Variants in NLRP14 observed in about 807,000 individuals in gnomAD.
NLRP14 encodes the protein NACHT, LRR and PYD domains-containing protein 14.
NLRP14 carries 105 observed loss-of-function variants against 94.7 expected under a neutral mutation model. The observed-to-expected ratio is 1.11, with a 90% CI of 0.95 to 1.30. The LOEUF is 1.30. Among genes scored for constraint, NLRP14 ranks in the 50% most tolerant of loss-of-function variants. NLRP14 has a pLI of 0.00. For synonymous variants in NLRP14, 508 were observed against 459.9 expected (o/e 1.10, Z -1.34); for missense variants, 1,362 against 1,254.1 (o/e 1.09, Z -1.30).
intron 3 of NLRP14, among the ~76,000 whole-genome samples, 181 bp downstream of exon 3, chr11:7,039,966 G>A (rs1364578903): frequency 1.3e-5 from 2 of 152,156 alleles, no homozygotes; most frequent in Non-Finnish European, 2.9e-5. Context: ...CAGAATCAGG[G>A]CCTTGTTAAT....
chr11:7,042,353 G>T, intron 3 of NLRP14, 35 bp from the exon 4 acceptor site: 2 of 1,584,158 alleles, frequency 1.3e-6, no homozygotes, highest in Non-Finnish European at 1.7e-6. Flanking sequence ...ATGTGTCTTT[G>T]TTTTTGTTTT....
intron 1 of NLRP14, among the ~76,000 whole-genome samples, chr11:7,024,837 G>T (rs1851992981): frequency 6.6e-6 from 1 of 151,992 alleles, no homozygotes; most frequent in Admixed American, 6.6e-5. Context: ...GTCACTTTTT[G>T]TATCAAAAGG....
At chr11:7,050,528 A>G (rs574715275) in intron 6 of NLRP14, among the ~76,000 whole-genome samples, 1 of 152,358 alleles carries the variant, frequency 6.6e-6, no homozygotes, top group South Asian at 2.1e-4. Flanking sequence ...AAATAGTTAC[A>G]GTAAGTTTTG....
At chr11:7,072,255 C>A (rs1214933036), downstream of NLRP14, among the ~76,000 whole-genome samples, 2 of 152,166 alleles carry the variant, frequency 1.3e-5, no homozygotes, top group Non-Finnish European at 2.9e-5. Context: ...CTCTGGAGGC[C>A]CCAGATAACT....
chr11:7,052,356 G>C (rs1361979872), intron 6 of NLRP14, among the ~76,000 whole-genome samples: 1 of 152,180 alleles, frequency 6.6e-6, no homozygotes, highest in African/African-American at 2.4e-5. Context: ...GATAAGGCCG[G>C]GTGTGGTGGC....
chr11:7,044,332 A>T (rs1852319244), intron 4 of NLRP14, among the ~76,000 whole-genome samples: 1 of 152,196 alleles, frequency 6.6e-6, no homozygotes, highest in African/African-American at 2.4e-5. Context: ...TGCATCCATG[A>T]TAATAAGTAT....
chr11:7,062,373 C>G lies in NLRP14; in HGVS notation c.2845C>G (p.Leu949Val), dbSNP rs1402484236. The change falls in exon 10 of 12, where the codon CTG becomes GTG. Residue 949 changes from leucine (L) to valine (V), a missense_variant. Coordinates refer to ENST00000299481, the MANE Select transcript of NLRP14 (RefSeq NM_176822.4). ...CVLTNACCLD[L>V]ASVILNNPNL... Reference sequence around the variant, plus strand: ...TCTCACTAATGCATGTTGTCTGGATCTGGCTTCTGTTATTTTGAATAACCC... The same window carrying G: ...TCTCACTAATGCATGTTGTCTGGATGTGGCTTCTGTTATTTTGAATAACCC... 1.2e-6 allele frequency: 2 copies of G among 1,613,096 alleles called. No individual in the cohort carries two copies. The highest frequency in any genetic ancestry group is 1.7e-6 in the Non-Finnish European group (2 of 1,179,276).
At chr11:7,044,794 ATGT>A (rs149648299) in intron 4 of NLRP14, among the ~76,000 whole-genome samples, 7,175 of 152,120 alleles carry the variant, frequency 0.047, 317 homozygotes, top group African/African-American at 0.11. Flanking sequence ...GTGCAATTTA[ATGT>A]TGTTGGCAAC....
At chr11:7,052,329 G>A (rs1440041724) in intron 6 of NLRP14, among the ~76,000 whole-genome samples, 2 of 152,032 alleles carry the variant, frequency 1.3e-5, no homozygotes, top group African/African-American at 2.4e-5. Flanking sequence ...TCAGAAGGGG[G>A]GCAACTAGAA....
chr11:7,062,064 A>G (rs1462227860), intron 9 of NLRP14, among the ~76,000 whole-genome samples: 2 of 152,014 alleles, frequency 1.3e-5, no homozygotes, highest in Non-Finnish European at 1.5e-5. Flanking sequence ...TTTTTTAAGT[A>G]TTGGTAAAAA....
At chr11:7,067,288 T>C (rs1181420836) in intron 10 of NLRP14, among the ~76,000 whole-genome samples, 1 of 152,236 alleles carries the variant, frequency 6.6e-6, no homozygotes, top group East Asian at 1.9e-4. Flanking sequence ...TAAATTACTT[T>C]GAGCAGTATG....
intron 4 of NLRP14, 67 bp downstream of exon 4, chr11:7,044,051 GA>G: frequency 6.6e-7 from 1 of 1,513,338 alleles, no homozygotes; most frequent in South Asian, 1.1e-5. Context: ...TTGTCAGAGG[GA>G]GGAGGCGTTT....
chr11:7,067,579 C>G (rs922644873), intron 10 of NLRP14, among the ~76,000 whole-genome samples: 2 of 152,084 alleles, frequency 1.3e-5, no homozygotes, highest in Admixed American at 6.5e-5. Context: ...AGTTGCTTAT[C>G]CTTGAAGAAT....
At chr11:7,063,835 G>A (rs1589872586) in intron 10 of NLRP14, among the ~76,000 whole-genome samples, 1 of 152,142 alleles carries the variant, frequency 6.6e-6, no homozygotes, top group East Asian at 1.9e-4. Flanking sequence ...AACTGAGTAA[G>A]TCCCAGGAAG....
Position 7,065,605 on chromosome 11 carries a change from A to C in NLRP14, c.2975+3102A>C, listed in dbSNP as rs1037964545. 2.6e-5 allele frequency among the ~76,000 whole-genome samples: 4 copies of C among 152,002 alleles called. No individual in the cohort carries two copies. In the South Asian group the frequency reaches 8.3e-4, roughly 32 times the overall value. On this transcript the variant is annotated intron_variant, in intron 10 of 11. Coordinates refer to ENST00000299481, the MANE Select transcript of NLRP14 (RefSeq NM_176822.4). ...ATGTTAATATGTCTGGGGATAATGA[A>C]CTTTCATATGTTGTTCACAATGTTT...
rs557277451 is a variant in NLRP14 at position 7,058,264 on chromosome 11, T to G, written c.2463-16T>G. ...TTGGGAATTGACAGATCTCTTCTCA[T>G]CTCTTTCTCTTTCAGCTTAGAAAGC... On this transcript the variant is annotated splice_polypyrimidine_tract_variant and intron_variant, in intron 7 of 11. Coordinates refer to ENST00000299481, the MANE Select transcript of NLRP14 (RefSeq NM_176822.4). 3.1e-6 allele frequency: 5 copies of G among 1,609,730 alleles called. No homozygotes were observed. Among genetic ancestry groups the G allele is most frequent in the Non-Finnish European group, 4.2e-6 (5 of 1,176,608 alleles).
At chr11:7,027,442 A>T (rs960697671) in intron 1 of NLRP14, among the ~76,000 whole-genome samples, 1 of 151,852 alleles carries the variant, frequency 6.6e-6, no homozygotes, top group Non-Finnish European at 1.5e-5. Flanking sequence ...GATTTCTGGA[A>T]CCTCTTTTAT....
chr11:7,039,715 G>A lies in NLRP14; in HGVS notation c.291G>A (p.Trp97Ter), dbSNP rs1565014780. 2 of 1,613,220 alleles carry A rather than the reference G, an allele frequency of 1.2e-6. No individual in the cohort carries two copies. The highest frequency in any genetic ancestry group is 1.7e-6 in the Non-Finnish European group (2 of 1,179,176). ...LCERAKEEIN[W>*]SAQTIGPDDA... ...TGATCCTATCGGAACCTGTTGCAGG[G>A]TCGGCCCAGACTATAGGACCAGATG... Residue 97 changes from tryptophan to a stop codon, truncating the protein, a stop_gained and splice_region_variant, in exon 3 of 12, where the codon TGG (tryptophan) becomes TGA (stop). Coordinates refer to ENST00000299481, the MANE Select transcript of NLRP14 (RefSeq NM_176822.4). LOFTEE classifies it high-confidence loss of function.
At position 7,023,551 on chromosome 11, in the gene NLRP14, T is replaced by G. The variant is rs537042928; in HGVS notation, c.-22+2781T>G. On this transcript the variant is annotated intron_variant, in intron 1 of 11. Transcript: ENST00000299481. Reference sequence around the variant, plus strand: ...TATATTTATATTTATATTAATATATTTTATTTATATTTATATATAAAAATC... The same window carrying G: ...TATATTTATATTTATATTAATATATGTTATTTATATTTATATATAAAAATC... Among the ~76,000 whole-genome samples, 852 of 146,850 alleles carry G rather than the reference T, an allele frequency of 5.8e-3. 16 individuals carry two copies. The highest frequency in any genetic ancestry group is 0.019 in the African/African-American group (784 of 40,748).
Sources: gnomAD v4.1 joint callset for allele counts (sites outside exome capture counted in the v4.1 genomes callset) on GRCh38, gnomAD v4.1.1 for gene constraint, MANE v1.5 for transcripts, NCBI Gene and HGNC (gene_info 2026-07-23, HGNC 2026-07-21) for gene names.